CLIP4: variants seen among roughly 807,000 people sequenced by gnomAD.
The protein encoded by CLIP4 is CAP-Gly domain-containing linker protein 4.
Under a neutral mutation model 73.1 loss-of-function variants are expected in CLIP4, and 47 were observed. That is an observed-to-expected ratio of 0.64 (90% CI 0.51 to 0.82). The LOEUF (loss-of-function observed/expected upper bound fraction) is 0.82, where lower values mean the gene tolerates loss of function less well. CLIP4 is among the 40% of genes least tolerant of loss of function. The probability of loss-of-function intolerance (pLI) is 0.00; values close to 1 mark genes in which losing one functional copy is unlikely to be tolerated. For synonymous variants in CLIP4, 306 were observed against 295.4 expected (o/e 1.04, Z -0.37); for missense variants, 874 against 852.9 (o/e 1.02, Z -0.31).
intron 6 of CLIP4, among the ~76,000 whole-genome samples, chr2:29,136,405 C>T (rs1665363535): frequency 1.3e-5 from 2 of 152,040 alleles, no homozygotes; most frequent in Admixed American, 6.6e-5. Flanking sequence ...GTTTAACCCC[C>T]TTGATTACCC....
At chr2:29,113,525 AGTAAC>A (rs1668435485), upstream of CLIP4, among the ~76,000 whole-genome samples, 2 of 152,244 alleles carry the variant, frequency 1.3e-5, no homozygotes, top group African/African-American at 4.8e-5. The surrounding 1 kb of genome is among the most constrained non-coding windows in gnomAD (Gnocchi z 4.0). Flanking sequence ...GGTATAAAGA[AGTAAC>A]GTCAGATTTT....
intron 2 of CLIP4, among the ~76,000 whole-genome samples, chr2:29,127,842 C>CAT (rs1664709023): frequency 6.6e-6 from 1 of 151,986 alleles, no homozygotes; most frequent in African/African-American, 2.4e-5. Flanking sequence ...TTTAAAATGT[C>CAT]CATAGTTACA....
Position 29,135,646 on chromosome 2 carries a change from G to A in CLIP4, c.628G>A (p.Gly210Arg). The change falls in exon 6 of 16, where the codon GGA (glycine) becomes AGA (arginine). Residue 210 changes from glycine to arginine, a missense_variant. By Grantham distance (125) the Gly-to-Arg change is moderately radical. Transcript: ENST00000320081. The part of the protein sequence containing the change: ...AGAVKCLLEQ[G>R]ANPAFRNDKG... ...TGCTGTGAAGTGCCTCTTGGAGCAG[G>A]GAGCAAATCCTGCATTTAGGGTAAG... 3.7e-6 allele frequency: 6 copies of A among 1,608,360 alleles called. No homozygotes were observed. Among genetic ancestry groups the A allele is most frequent in the Non-Finnish European group, 5.1e-6 (6 of 1,177,466 alleles).
chr2:29,170,241 G>A (rs944097766), intron 14 of CLIP4, among the ~76,000 whole-genome samples: 3 of 152,148 alleles, frequency 2.0e-5, no homozygotes, highest in Non-Finnish European at 4.4e-5. Context: ...TCTCTTCAAT[G>A]TACTGATTTC....
At chr2:29,154,555 A>T (rs866125461) in intron 9 of CLIP4, among the ~76,000 whole-genome samples, 57 of 152,162 alleles carry the variant, frequency 3.7e-4, no homozygotes, top group African/African-American at 1.2e-3. Context: ...TCAGGATTGT[A>T]TGACAGAGCA....
chr2:29,125,173 A>T (rs1340809202), intron 2 of CLIP4, among the ~76,000 whole-genome samples: 1 of 152,134 alleles, frequency 6.6e-6, no homozygotes, highest in Non-Finnish European at 1.5e-5. Flanking sequence ...AGGGGCCCTG[A>T]ACCCCCTGGC....
chr2:29,151,919 C>T (rs1470336770), intron 8 of CLIP4, among the ~76,000 whole-genome samples: 1 of 151,900 alleles, frequency 6.6e-6, no homozygotes, highest in African/African-American at 2.4e-5. Context: ...TTTTGTACTC[C>T]CAGCTGCTGC....
intron 1 of CLIP4, among the ~76,000 whole-genome samples, chr2:29,102,864 C>T (rs1230452155): frequency 6.6e-6 from 1 of 152,122 alleles, no homozygotes; most frequent in African/African-American, 2.4e-5. Context: ...GTGATCTGCC[C>T]ACCTCGGCCT....
chr2:29,123,839 G>A (rs951696916), intron 2 of CLIP4, among the ~76,000 whole-genome samples: 1 of 152,170 alleles, frequency 6.6e-6, no homozygotes, highest in South Asian at 2.1e-4. Flanking sequence ...AACCAGAGTT[G>A]AGGCATGTGA....
At chr2:29,145,684 A>G (rs1050925061) in intron 8 of CLIP4, among the ~76,000 whole-genome samples, 2 of 152,020 alleles carry the variant, frequency 1.3e-5, no homozygotes, top group South Asian at 4.2e-4. Flanking sequence ...GCTTTCCACT[A>G]TTTATTTATT....
chr2:29,135,680 T>A lies in CLIP4; in HGVS notation c.648+14T>A. ...CCTGCATTTAGGGTAAGAGGTTAAA[T>A]TAAAAGTGAAAAATATTAAAAGAAT... On this transcript the variant is annotated intron_variant, in intron 6 of 15. Coordinates refer to ENST00000320081, the MANE Select transcript of CLIP4 (RefSeq NM_024692.6). 1 of 1,525,710 alleles carries A rather than the reference T, an allele frequency of 6.6e-7. No homozygotes were observed. Among genetic ancestry groups the A allele is most frequent in the Non-Finnish European group, 8.9e-7 (1 of 1,117,538 alleles). The allele number at this position is 1,525,710 out of a possible 1,614,324, so 94.5% of individuals were successfully genotyped here. A position where few individuals can be genotyped will look rare whatever the true frequency, so the allele number is the denominator to read the frequency against.
At chr2:29,142,159 A>G (rs1665815398) in intron 6 of CLIP4, among the ~76,000 whole-genome samples, 1 of 152,142 alleles carries the variant, frequency 6.6e-6, no homozygotes, top group African/African-American at 2.4e-5. Flanking sequence ...TTCCATGTGT[A>G]GAACTCCCTT....
intron 13 of CLIP4, among the ~76,000 whole-genome samples, chr2:29,165,134 G>C (rs761483519): frequency 1.3e-5 from 2 of 152,178 alleles, no homozygotes; most frequent in Non-Finnish European, 2.9e-5. Flanking sequence ...GGGTTTCAAA[G>C]AGATAAGTGA....
At chr2:29,158,189 C>A (rs986556088) in intron 11 of CLIP4, among the ~76,000 whole-genome samples, 2 of 152,148 alleles carry the variant, frequency 1.3e-5, no homozygotes, top group Non-Finnish European at 1.5e-5. Context: ...TGAGTGGCTT[C>A]CTCTCTCCAT....
At position 29,182,628 on chromosome 2, in the gene CLIP4, TC is replaced by T. The variant is rs1668698746; in HGVS notation, c.*736del. ...TCTTTCTGCTATACAAAATGTCTAATCTCAGATTTTTCTTCTGCTGCTTGAC... is the reference window on the plus strand; with the variant it reads ...TCTTTCTGCTATACAAAATGTCTAATTCAGATTTTTCTTCTGCTGCTTGAC... On this transcript the variant is annotated 3_prime_UTR_variant, in exon 16 of 16. Transcript: ENST00000320081. The T allele has an allele frequency of 6.6e-6, 1 of 152,544 alleles. No individual in the cohort carries two copies. Among genetic ancestry groups the T allele is most frequent in the Non-Finnish European group, 1.5e-5 (1 of 68,024 alleles). The allele number at this position is 152,544 out of a possible 1,614,324, so 9.4% of individuals were successfully genotyped here. A position where few individuals can be genotyped will look rare whatever the true frequency, so the allele number is the denominator to read the frequency against.
At chr2:29,110,153 C>T (rs1668347824) in intron 1 of CLIP4, among the ~76,000 whole-genome samples, 1 of 152,136 alleles carries the variant, frequency 6.6e-6, no homozygotes, top group East Asian at 1.9e-4. Flanking sequence ...GTTTATTTTG[C>T]AAAAGATATC....
chr2:29,157,201 C>T lies in CLIP4; in HGVS notation c.1256-3C>T, dbSNP rs554366656. On this transcript the variant is annotated splice_region_variant and splice_polypyrimidine_tract_variant and intron_variant, in intron 10 of 15. Coordinates refer to ENST00000320081, the MANE Select transcript of CLIP4 (RefSeq NM_024692.6). ...CGTTTGACACGTTCTTTATCTGTTA[C>T]AGTTGCCCTGCTTGGATCTGTCAGC... 6.2e-7 allele frequency: 1 copy of T among 1,613,700 alleles called. No homozygotes were observed. Among genetic ancestry groups the T allele is most frequent in the African/African-American group, 1.3e-5 (1 of 75,018 alleles).
intron 7 of CLIP4, among the ~76,000 whole-genome samples, chr2:29,144,728 G>A (rs1442373368): frequency 6.6e-6 from 1 of 151,138 alleles, no homozygotes; most frequent in Non-Finnish European, 1.5e-5. Flanking sequence ...AGGTTAATAG[G>A]GAGCTTGGTA....
chr2:29,151,652 C>T (rs547723275), intron 8 of CLIP4, among the ~76,000 whole-genome samples: 1 of 152,262 alleles, frequency 6.6e-6, no homozygotes, highest in Non-Finnish European at 1.5e-5. Flanking sequence ...TCACTTCTTA[C>T]AGAGTCTCGA....
Sources: gnomAD v4.1 joint callset for allele counts (sites outside exome capture counted in the v4.1 genomes callset) on GRCh38, gnomAD v4.1.1 for gene constraint, Gnocchi (gnomAD v3.1) non-coding constraint, MANE v1.5 for transcripts, NCBI Gene and HGNC (gene_info 2026-07-23, HGNC 2026-07-21) for gene names.